Variants in TMEM132D observed in about 807,000 individuals in gnomAD.
TMEM132D encodes the protein mature OL transmembrane protein.
A neutral mutation model predicts 62.3 loss-of-function variants in TMEM132D; 21 were observed. The ratio of observed to expected loss-of-function variants is 0.34; its 90% CI spans 0.24 to 0.49. The LOEUF is 0.49. TMEM132D is among the 20% of genes least tolerant of loss of function. TMEM132D has a pLI of 0.99. For missense variants in TMEM132D, 1,346 were observed against 1,402.8 expected, an observed-to-expected ratio of 0.96 and a Z score of 0.65; for synonymous variants, 621 against 575.6, an observed-to-expected ratio of 1.08 and a Z score of -1.13.
chr12:129,825,836 G>A (rs902033726), intron 1 of TMEM132D, among the ~76,000 whole-genome samples: 1 of 152,188 alleles, frequency 6.6e-6, no homozygotes, highest in Non-Finnish European at 1.5e-5. Context: ...GGATGAGGCA[G>A]GAGGATCACT....
intron 2 of TMEM132D, among the ~76,000 whole-genome samples, chr12:129,615,311 G>A (rs1307085992): frequency 3.3e-5 from 5 of 152,040 alleles, no homozygotes; most frequent in Non-Finnish European, 5.9e-5. Context: ...TGAATCTTCC[G>A]TCAAGCTCAC....
intron 5 of TMEM132D, among the ~76,000 whole-genome samples, chr12:129,107,117 T>A (rs1875526395): frequency 6.6e-6 from 1 of 152,132 alleles, no homozygotes; most frequent in Non-Finnish European, 1.5e-5. Flanking sequence ...AATGAATGGA[T>A]AAAAGTGAGA....
At chr12:129,224,026 T>C (rs1396787757) in intron 4 of TMEM132D, among the ~76,000 whole-genome samples, 2 of 152,140 alleles carry the variant, frequency 1.3e-5, no homozygotes, top group Non-Finnish European at 2.9e-5. Flanking sequence ...GTAGCATCCC[T>C]CATCCCCCTA....
chr12:129,621,222 G>T (rs955952626), intron 2 of TMEM132D, among the ~76,000 whole-genome samples: 6 of 152,108 alleles, frequency 3.9e-5, no homozygotes, highest in African/African-American at 1.4e-4. Context: ...TGCCATGGCT[G>T]TGCGCTCTGC....
chr12:129,392,394 A>G (rs1184599869), intron 3 of TMEM132D, among the ~76,000 whole-genome samples: 1 of 152,196 alleles, frequency 6.6e-6, no homozygotes, highest in Non-Finnish European at 1.5e-5. Flanking sequence ...CAGCTGACTG[A>G]ACAACAAGAC....
At chr12:129,578,969 C>T (rs1323030141) in intron 2 of TMEM132D, among the ~76,000 whole-genome samples, 2 of 152,280 alleles carry the variant, frequency 1.3e-5, no homozygotes, top group African/African-American at 4.8e-5. Flanking sequence ...TCTGGGCATC[C>T]CACAGTCCAG....
At chr12:129,075,085 T>C in intron 8 of TMEM132D, 26 bp from the exon 9 acceptor site, 1 of 1,575,310 alleles carries the variant, frequency 6.3e-7, no homozygotes, top group Non-Finnish European at 8.6e-7. Context: ...TGTAAGTTAA[T>C]CAAATGGGCC....
intron 3 of TMEM132D, among the ~76,000 whole-genome samples, chr12:129,415,995 C>T (rs912519133): frequency 4.6e-5 from 7 of 152,318 alleles, no homozygotes; most frequent in African/African-American, 1.7e-4. Flanking sequence ...TGCATGGTGT[C>T]TTCCAAATAG....
At chr12:129,136,847 A>G (rs1876584098) in intron 5 of TMEM132D, among the ~76,000 whole-genome samples, 1 of 146,810 alleles carries the variant, frequency 6.8e-6, no homozygotes, top group Admixed American at 6.8e-5. Flanking sequence ...CACCACCACC[A>G]TCATCATTAT....
intron 5 of TMEM132D, among the ~76,000 whole-genome samples, chr12:129,159,221 C>A (rs1877329659): frequency 6.6e-6 from 1 of 152,120 alleles, no homozygotes; most frequent in Non-Finnish European, 1.5e-5. Context: ...AGTTTTAATT[C>A]AGTGATAAAT....
At chr12:129,445,769 T>C (rs868632738) in intron 3 of TMEM132D, among the ~76,000 whole-genome samples, 54 of 152,110 alleles carry the variant, frequency 3.6e-4, no homozygotes, top group African/African-American at 1.0e-3. Context: ...ATCACCTCCA[T>C]TGGCAATTTG....
rs79090675 is a variant in TMEM132D, at chr12:129,664,040, C to T, written c.968+35770G>A. Among the ~76,000 whole-genome samples, 596 of 152,166 alleles carry T rather than the reference C, an allele frequency of 3.9e-3. 4 individuals are homozygous for T. The highest frequency in any genetic ancestry group is 0.014 in the African/African-American group (578 of 41,518). On this transcript the variant is annotated intron_variant, in intron 2 of 8. Coordinates refer to ENST00000422113, the MANE Select transcript of TMEM132D (RefSeq NM_133448.3). ...TAACGTTTACACATCTCCTGCATGGCGTTTTTGGTGAAGGAAATTATCATT... is the reference window on the plus strand; with the variant it reads ...TAACGTTTACACATCTCCTGCATGGTGTTTTTGGTGAAGGAAATTATCATT...
intron 5 of TMEM132D, among the ~76,000 whole-genome samples, chr12:129,145,079 T>G (rs7308704): frequency 0.23 from 35,387 of 152,096 alleles, 4,289 homozygotes; most frequent in South Asian, 0.33. Flanking sequence ...ATTATATTAA[T>G]TATTTTATGT....
intron 3 of TMEM132D, among the ~76,000 whole-genome samples, chr12:129,338,312 G>A (rs1237754364): frequency 4.6e-5 from 7 of 152,090 alleles, no homozygotes; most frequent in Non-Finnish European, 1.0e-4. Context: ...CACAGAAACA[G>A]GCAACGTGTG....
intron 8 of TMEM132D, among the ~76,000 whole-genome samples, chr12:129,077,822 A>G (rs1874322551): frequency 6.6e-6 from 1 of 152,092 alleles, no homozygotes; most frequent in African/African-American, 2.4e-5. Flanking sequence ...CACATGCAAC[A>G]CACAACACAA....
intron 3 of TMEM132D, among the ~76,000 whole-genome samples, chr12:129,372,405 A>T (rs1367734859): frequency 7.9e-5 from 12 of 152,100 alleles, no homozygotes. Flanking sequence ...GCTGCTCCTC[A>T]TCGTTGATGT....
intron 3 of TMEM132D, among the ~76,000 whole-genome samples, chr12:129,472,242 T>A (rs1403658857): frequency 1.3e-5 from 2 of 152,226 alleles, no homozygotes; most frequent in Non-Finnish European, 2.9e-5. Flanking sequence ...TGTTAGGGGC[T>A]AATGCCACTG....
intron 5 of TMEM132D, among the ~76,000 whole-genome samples, chr12:129,173,482 C>T (rs1051568477): frequency 2.0e-5 from 3 of 152,148 alleles, no homozygotes; most frequent in African/African-American, 7.2e-5. Context: ...CAAAGTCATG[C>T]TTTTTCTCAC....
chr12:129,248,548 C>T (rs1880183276), intron 4 of TMEM132D, among the ~76,000 whole-genome samples: 2 of 150,314 alleles, frequency 1.3e-5, no homozygotes, highest in African/African-American at 4.9e-5. Context: ...TATTAGAGTA[C>T]TCACTTAAAA....
Sources: gnomAD v4.1 joint callset for allele counts (sites outside exome capture counted in the v4.1 genomes callset) on GRCh38, gnomAD v4.1.1 for gene constraint, MANE v1.5 for transcripts, NCBI Gene and HGNC (gene_info 2026-07-23, HGNC 2026-07-21) for gene names.